The following TANC2 variants were observed in gnomAD, a reference collection of about 807,000 sequenced individuals.
TANC2 encodes tetratricopeptide repeat, ankyrin repeat and coiled-coil containing 2, also known as protein TANC2.
A neutral mutation model predicts 210.5 loss-of-function variants in TANC2; 26 were observed. That is an observed-to-expected ratio of 0.12 (90% CI 0.09 to 0.17). TANC2 has a LOEUF of 0.17. Ranked by LOEUF, TANC2 falls within the 10% of genes least tolerant of loss-of-function variation. The pLI, the probability that TANC2 is intolerant of heterozygous loss-of-function variation, is 1.00. For missense variants in TANC2, 2,129 were observed against 2,608.9 expected (o/e 0.82, Z 4.01); for synonymous variants, 931 against 967.1 (o/e 0.96, Z 0.69).
chr17:63,275,493 C>T (rs2043845075), intron 9 of TANC2, among the ~76,000 whole-genome samples: 1 of 152,106 alleles, frequency 6.6e-6, no homozygotes, highest in Admixed American at 6.6e-5. Context: ...AACAATGAAT[C>T]CTTTATGATG....
intron 2 of TANC2, among the ~76,000 whole-genome samples, chr17:63,066,822 C>T (rs2036217048): frequency 6.6e-6 from 1 of 151,836 alleles, no homozygotes; most frequent in African/African-American, 2.4e-5. Flanking sequence ...AGCAAGGTTA[C>T]TATAGCCCTA....
chr17:63,186,599 C>G (rs975758309), intron 5 of TANC2, among the ~76,000 whole-genome samples: 5 of 151,922 alleles, frequency 3.3e-5, no homozygotes, highest in African/African-American at 9.7e-5. Flanking sequence ...GTGATCCACC[C>G]CCCGCTTCAG....
chr17:63,267,821 A>C, exon 9 of TANC2: 1 of 1,613,242 alleles, frequency 6.2e-7, no homozygotes, highest in Non-Finnish European at 8.5e-7. Flanking sequence ...GAACTTCTCT[A>C]CGAATGCCAA....
chr17:63,327,032 G>C (rs746669959), intron 11 of TANC2, among the ~76,000 whole-genome samples: 5 of 151,988 alleles, frequency 3.3e-5, no homozygotes, highest in Non-Finnish European at 5.9e-5. Flanking sequence ...CAATTCAATG[G>C]CAAAAAACAA....
At chr17:63,008,222 T>C (rs1302479773) in intron 1 of TANC2, among the ~76,000 whole-genome samples, 2 of 152,174 alleles carry the variant, frequency 1.3e-5, no homozygotes, top group Non-Finnish European at 2.9e-5. Flanking sequence ...TGGCTTCATG[T>C]CTTTAATTAA....
chr17:63,238,677 G>A (rs576723677), intron 8 of TANC2, among the ~76,000 whole-genome samples: 2 of 152,062 alleles, frequency 1.3e-5, no homozygotes, highest in African/African-American at 2.4e-5. Flanking sequence ...GTATTAGTCC[G>A]TTTTCACACT....
At chr17:63,370,368 CAG>C (rs1210082773) in intron 14 of TANC2, among the ~76,000 whole-genome samples, 1 of 151,890 alleles carries the variant, frequency 6.6e-6, no homozygotes, top group Admixed American at 6.6e-5. Flanking sequence ...TTAGTAGAGA[CAG>C]AGTTTCACCA....
chr17:63,367,137 C>T (rs779288038), intron 14 of TANC2, among the ~76,000 whole-genome samples: 8 of 152,232 alleles, frequency 5.3e-5, no homozygotes, highest in Non-Finnish European at 1.0e-4. Context: ...GAAGTCCTTG[C>T]ATTGCTCTTC....
At chr17:63,399,042 A>AT (rs760749280) in intron 19 of TANC2, 128 bp downstream of exon 19, 19 of 578,812 alleles carry the variant, frequency 3.3e-5, no homozygotes, top group Non-Finnish European at 5.1e-5. Flanking sequence ...ATGCAGACTG[A>AT]TTCAGCCAAA....
intron 5 of TANC2, among the ~76,000 whole-genome samples, chr17:63,189,804 G>C (rs530772890): frequency 3.3e-5 from 5 of 152,110 alleles, no homozygotes; most frequent in Admixed American, 6.6e-5. Context: ...TGTGCTTTTA[G>C]TGTCATATCT....
At chr17:63,117,619 G>A (rs148633692) in intron 4 of TANC2, among the ~76,000 whole-genome samples, 8 of 152,308 alleles carry the variant, frequency 5.3e-5, no homozygotes, top group Non-Finnish European at 1.0e-4. Context: ...TCTGGGCAGC[G>A]TAAAGAGCTG....
chr17:63,219,444 G>A (rs1376338059), intron 7 of TANC2, among the ~76,000 whole-genome samples: 1 of 151,650 alleles, frequency 6.6e-6, no homozygotes, highest in Non-Finnish European at 1.5e-5. Flanking sequence ...CTAAGAAAAA[G>A]TTTTTCAATT....
chr17:63,298,104 G>A (rs577925473), intron 9 of TANC2, among the ~76,000 whole-genome samples: 8 of 152,252 alleles, frequency 5.3e-5, no homozygotes, highest in Admixed American at 4.6e-4. Context: ...CATTGCTGGT[G>A]GGAATGTAAA....
chr17:63,268,729 G>A (rs1390518711), intron 9 of TANC2, among the ~76,000 whole-genome samples: 1 of 152,062 alleles, frequency 6.6e-6, no homozygotes, highest in African/African-American at 2.4e-5. Flanking sequence ...TCTCACTCAG[G>A]TACCTGTTGC....
chr17:63,056,469 G>C (rs2035811107), intron 2 of TANC2, among the ~76,000 whole-genome samples: 1 of 152,066 alleles, frequency 6.6e-6, no homozygotes, highest in Non-Finnish European at 1.5e-5. Flanking sequence ...CTTGAGCCCA[G>C]AAGTTTGAGA....
chr17:62,973,456 A>G (rs1242987069), intron 1 of TANC2, among the ~76,000 whole-genome samples: 1 of 152,172 alleles, frequency 6.6e-6, no homozygotes, highest in Non-Finnish European at 1.5e-5. Flanking sequence ...CTCATTATCT[A>G]CTTATTGAGT....
Position 63,023,338 on chromosome 17 carries a change from C to T in TANC2, c.67+13712C>T, listed in dbSNP as rs529192064. Among the ~76,000 whole-genome samples, 14 of 152,086 alleles carry T rather than the reference C, an allele frequency of 9.2e-5. No homozygotes were observed. In the East Asian group the frequency reaches 1.2e-3, roughly 13 times the overall value. ...AGTGTCCAGGTGATGGCACATAGAG[C>T]GAAAGATTATTTTGTGTGTGTATGT... is the stretch of plus-strand genomic sequence containing the variant. On this transcript the variant is annotated intron_variant, in intron 2 of 27. Transcript: ENST00000689528.
At chr17:63,378,332 T>TCA (rs767841666) in intron 14 of TANC2, among the ~76,000 whole-genome samples, 4 of 152,004 alleles carry the variant, frequency 2.6e-5, no homozygotes, top group Non-Finnish European at 4.4e-5. Flanking sequence ...TACATACATG[T>TCA]CACACATACA....
intron 9 of TANC2, among the ~76,000 whole-genome samples, chr17:63,285,711 G>T (rs1221080411): frequency 6.6e-6 from 1 of 152,182 alleles, no homozygotes; most frequent in Non-Finnish European, 1.5e-5. Context: ...GCAATTAGTT[G>T]TGACAACATG....
Sources: allele counts gnomAD v4.1 joint callset (sites outside exome capture counted in the v4.1 genomes callset), GRCh38; gene constraint gnomAD v4.1.1; transcripts MANE v1.5; gene names NCBI Gene and HGNC (gene_info 2026-07-23, HGNC 2026-07-21).